PFKFB4: variants seen among roughly 807,000 people sequenced by gnomAD.
The protein encoded by PFKFB4 is 6-phosphofructo-2-kinase/fructose-2,6-bisphosphatase 4.
In PFKFB4, 42 loss-of-function variants were observed where a neutral mutation model predicts 62.8. The ratio of observed to expected loss-of-function variants is 0.67; its 90% CI spans 0.52 to 0.86. The LOEUF (loss-of-function observed/expected upper bound fraction) is 0.86. Ranked by LOEUF, PFKFB4 falls within the 40% of genes least tolerant of loss-of-function variation. The probability of loss-of-function intolerance (pLI) is 0.00; values close to 1 mark genes in which losing one functional copy is unlikely to be tolerated. For synonymous variants in PFKFB4, 204 were observed against 240.7 expected (o/e 0.85, Z 1.41); for missense variants, 475 against 627.2 (o/e 0.76, Z 2.59).
intron 9 of PFKFB4, among the ~76,000 whole-genome samples, chr3:48,527,685 T>C (rs201435507): frequency 2.5e-5 from 3 of 118,296 alleles, no homozygotes; most frequent in African/African-American, 1.2e-4. Flanking sequence ...GTCCATCATC[T>C]TTTTTTTTTT....
At chr3:48,528,867 G>A (rs957234642) in intron 9 of PFKFB4, among the ~76,000 whole-genome samples, 2 of 152,160 alleles carry the variant, frequency 1.3e-5, no homozygotes, top group Non-Finnish European at 2.9e-5. Context: ...GAAAACATTA[G>A]TGGTAGCTTA....
intron 12 of PFKFB4, among the ~76,000 whole-genome samples, chr3:48,522,917 C>T (rs1346546550): frequency 2.6e-5 from 4 of 152,018 alleles, no homozygotes; most frequent in East Asian, 2.0e-4. Context: ...CCCGCCACTA[C>T]GCCCAGCTAA....
At chr3:48,543,309 C>G in intron 4 of PFKFB4, among the ~76,000 whole-genome samples, 1 of 152,230 alleles carries the variant, frequency 6.6e-6, no homozygotes, top group East Asian at 1.9e-4. Flanking sequence ...ATACCTGTAA[C>G]TTCTGGGGTG....
chr3:48,550,643 TC>T (rs2043114589), intron 1 of PFKFB4, among the ~76,000 whole-genome samples: 1 of 152,048 alleles, frequency 6.6e-6, no homozygotes, highest in Non-Finnish European at 1.5e-5. Flanking sequence ...CCTTTTTACA[TC>T]TCTCCCACCC....
At chr3:48,545,283 C>T (rs1042740646) in intron 3 of PFKFB4, among the ~76,000 whole-genome samples, 1 of 152,098 alleles carries the variant, frequency 6.6e-6, no homozygotes, top group Non-Finnish European at 1.5e-5. Context: ...AGGCATGTGC[C>T]ACCACACCCA....
At chr3:48,550,685 A>G (rs2043115806) in intron 1 of PFKFB4, among the ~76,000 whole-genome samples, 1 of 152,180 alleles carries the variant, frequency 6.6e-6, no homozygotes, top group Admixed American at 6.5e-5. Context: ...CAGAACACAT[A>G]GCCCCACTGC....
Position 48,556,277 on chromosome 3 carries a change from T to C in PFKFB4, c.97+404A>G. ...AGTAATTCACCTAGGGCCACACAGC[T>C]CAGTTCCAGTCCAACAACCCGGCCC... On this transcript the variant is annotated intron_variant, in intron 1 of 13. Coordinates refer to ENST00000232375, the MANE Select transcript of PFKFB4 (RefSeq NM_004567.4). This position sits in a 1 kb window ranked among gnomAD's most constrained non-coding sequence, Gnocchi z 5.7. The C allele has an allele frequency of 2.1e-6, 1 of 485,176 alleles. No homozygotes were observed. The highest frequency in any genetic ancestry group is 4.1e-6 in the Non-Finnish European group (1 of 245,966). The allele number at this position is 485,176 out of a possible 1,614,324, so 30.1% of individuals were successfully genotyped here.
intron 9 of PFKFB4, among the ~76,000 whole-genome samples, chr3:48,535,051 C>T (rs577454637): frequency 9.9e-5 from 15 of 152,236 alleles, no homozygotes; most frequent in Admixed American, 4.6e-4. Flanking sequence ...TGAGGTGATC[C>T]GCCCGCCTCA....
chr3:48,519,621 C>T lies in PFKFB4; in HGVS notation c.*126G>A. On this transcript the variant is annotated 3_prime_UTR_variant, in exon 14 of 14. Coordinates refer to ENST00000232375, the MANE Select transcript of PFKFB4 (RefSeq NM_004567.4). ...GCTGGGGTGGGGGCTCTGGGTTCCG[C>T]CAGCCATGTGTGGCTTCAAGAATAT... is the stretch of plus-strand genomic sequence containing the variant. 1 of 765,802 alleles carries T rather than the reference C, an allele frequency of 1.3e-6. No homozygotes were observed. The highest frequency in any genetic ancestry group is 2.2e-6 in the Non-Finnish European group (1 of 453,864). 47.4% of individuals were successfully genotyped at this position (765,802 alleles called of 1,614,324 possible). A position where few individuals can be genotyped will look rare whatever the true frequency, so the allele number is the denominator to read the frequency against.
chr3:48,548,609 C>T (rs1226617601), intron 3 of PFKFB4: 2 of 152,156 alleles, frequency 1.3e-5, no homozygotes, highest in African/African-American at 4.8e-5. Flanking sequence ...CTGATGTAAA[C>T]TTGCTATTTT....
chr3:48,538,588 T>A lies in PFKFB4; in HGVS notation c.542A>T (p.Asn181Ile). 1 of 1,614,204 alleles carries A rather than the reference T, an allele frequency of 6.2e-7. No individual in the cohort carries two copies. The highest frequency in any genetic ancestry group is 8.5e-7 in the Non-Finnish European group (1 of 1,180,028). The change falls in exon 7 of 14, where the codon AAC becomes ATC. Residue 181 changes from asparagine (N) to isoleucine (I), a missense_variant. By Grantham distance (149) the Asn-to-Ile change is moderately radical. Coordinates refer to ENST00000232375, the MANE Select transcript of PFKFB4 (RefSeq NM_004567.4). ...QVKLGSPDYV[N>I]RDSDEATEDF... The stretch of plus-strand genomic sequence containing the variant: ...CTCCGTAGCCTCATCACTGTCGCGG[T>A]TGACATAGTCAGGGCTGCCCAGTTT...
intron 1 of PFKFB4, among the ~76,000 whole-genome samples, chr3:48,553,068 A>T (rs562846367): frequency 2.0e-5 from 3 of 152,218 alleles, no homozygotes; most frequent in Admixed American, 6.5e-5. Flanking sequence ...CAAGGAGGGA[A>T]CACATTGCAG....
intron 12 of PFKFB4, among the ~76,000 whole-genome samples, chr3:48,522,532 A>C (rs1299827495): frequency 1.3e-5 from 2 of 152,200 alleles, no homozygotes; most frequent in Non-Finnish European, 2.9e-5. Flanking sequence ...AAAGGTGAAG[A>C]GCTAAGACCT....
At chr3:48,530,523 A>C (rs2107495782) in intron 9 of PFKFB4, among the ~76,000 whole-genome samples, 1 of 152,204 alleles carries the variant, frequency 6.6e-6, no homozygotes, top group Middle Eastern at 3.4e-3. Context: ...CAAATAACAA[A>C]AAAGATCATA....
At chr3:48,539,350 G>A (rs748834113) in intron 5 of PFKFB4, 40 bp from the exon 6 acceptor site, 2 of 1,577,730 alleles carry the variant, frequency 1.3e-6, no homozygotes, top group Non-Finnish European at 1.7e-6. Context: ...TGGGAGGGAG[G>A]AACACGGACA....
chr3:48,538,734 G>A (rs1371826465), intron 6 of PFKFB4, 115 bp from the exon 7 acceptor site: 7 of 1,320,724 alleles, frequency 5.3e-6, no homozygotes, highest in South Asian at 2.7e-5. Context: ...AGACCAGTGC[G>A]GGAACCTGAG....
intron 1 of PFKFB4, among the ~76,000 whole-genome samples, chr3:48,553,963 T>C (rs2107601896): frequency 6.6e-6 from 1 of 152,210 alleles, no homozygotes; most frequent in East Asian, 1.9e-4. Flanking sequence ...GCCCTCAGAG[T>C]TCCTCCAGGT....
At chr3:48,542,064 A>T (rs1395278589) in intron 4 of PFKFB4, among the ~76,000 whole-genome samples, 1 of 152,178 alleles carries the variant, frequency 6.6e-6, no homozygotes, top group Non-Finnish European at 1.5e-5. Flanking sequence ...ATAAAGAGAA[A>T]GGCTGGGCGT....
At chr3:48,539,407 G>C in intron 5 of PFKFB4, 97 bp from the exon 6 acceptor site, 1 of 1,066,848 alleles carries the variant, frequency 9.4e-7, no homozygotes, top group Non-Finnish European at 1.4e-6. Flanking sequence ...CATCCCCTGA[G>C]GCCCATGCTG....
Sources: gnomAD v4.1 joint callset for allele counts (sites outside exome capture counted in the v4.1 genomes callset) on GRCh38, gnomAD v4.1.1 for gene constraint, Gnocchi (gnomAD v3.1) non-coding constraint, MANE v1.5 for transcripts, NCBI Gene and HGNC (gene_info 2026-07-23, HGNC 2026-07-21) for gene names.